The following CCDC70 variants were observed in gnomAD, a reference collection of about 807,000 sequenced individuals.
The protein encoded by CCDC70 is coiled-coil domain containing 70.
CCDC70 carries 4 observed loss-of-function variants against 9.1 expected under a neutral mutation model. That is an observed-to-expected ratio of 0.44 (90% CI 0.22 to 1.00). The LOEUF (loss-of-function observed/expected upper bound fraction) is 1.00, where lower values mean the gene tolerates loss of function less well. CCDC70 is among the 50% of genes least tolerant of loss of function. The pLI is 0.25. For synonymous variants in CCDC70, 119 were observed against 94.0 expected (o/e 1.27, Z -1.54); for missense variants, 308 against 271.3 (o/e 1.14, Z -0.95).
intron 1 of CCDC70, among the ~76,000 whole-genome samples, chr13:51,863,399 G>A (rs1288916904): frequency 1.3e-5 from 2 of 152,210 alleles, no homozygotes; most frequent in Non-Finnish European, 2.9e-5. Context: ...GCAGATGAGA[G>A]GGTAAGATCA....
chr13:51,864,928 G>GT (rs1335048031), intron 1 of CCDC70, among the ~76,000 whole-genome samples: 4 of 152,226 alleles, frequency 2.6e-5, no homozygotes, highest in African/African-American at 9.6e-5. Flanking sequence ...TCCCAGGCTC[G>GT]TAACAGAGGA....
Position 51,865,894 on chromosome 13 carries a change from G to C in CCDC70, c.483G>C (p.Glu161Asp), listed in dbSNP as rs183505529. ...ALWVEERALL[E>D]GEKALWEDKT... ...GGGTAGAGGAAAGAGCCCTCCTTGA[G>C]GGGGAGAAAGCCCTGTGGGAAGATA... Residue 161 changes from glutamate to aspartate, a missense_variant, in exon 2 of 2, where the codon GAG becomes GAC. Transcript: ENST00000242819. The C allele has an allele frequency of 3.1e-6, 5 of 1,613,746 alleles. No homozygotes were observed. The highest frequency in any genetic ancestry group is 4.2e-6 in the Non-Finnish European group (5 of 1,179,864).
In CCDC70 at chr13:51,865,960, A is replaced by C; in HGVS notation, c.549A>C (p.Glu183Asp). ...LWEEENALWE[E>D]ERAFWMENNG... is the part of the protein sequence containing the mutation. ...AGGAAGAGAATGCCCTCTGGGAGGA[A>C]GAGAGGGCCTTCTGGATGGAGAACA... is the stretch of plus-strand genomic sequence containing the variant. Residue 183 changes from glutamate (E) to aspartate (D), a missense_variant, in exon 2 of 2, where the codon GAA (glutamate) becomes GAC (aspartate). By Grantham distance (45) the Glu-to-Asp change is conservative. Coordinates refer to ENST00000242819, the MANE Select transcript of CCDC70 (RefSeq NM_031290.4). 1 of 1,614,070 alleles carries C rather than the reference A, an allele frequency of 6.2e-7. No individual in the cohort carries two copies. The highest frequency in any genetic ancestry group is 8.5e-7 in the Non-Finnish European group (1 of 1,179,986).
chr13:51,863,498 G>A (rs767479827), intron 1 of CCDC70, among the ~76,000 whole-genome samples: 6 of 152,114 alleles, frequency 3.9e-5, no homozygotes, highest in Non-Finnish European at 7.3e-5. Flanking sequence ...TTCAGGAAAT[G>A]TTAAGGATCT....
chr13:51,863,708 C>CACA (rs1555276646), intron 1 of CCDC70, among the ~76,000 whole-genome samples: 1,589 of 141,076 alleles, frequency 0.011, 44 homozygotes, highest in East Asian at 0.085. Context: ...CACACACACA[C>CACA]ACCAGCTATG....
Position 51,865,532 on chromosome 13 carries a change from C to G in CCDC70, c.121C>G (p.Arg41Gly). 1 of 1,614,160 alleles carries G rather than the reference C, an allele frequency of 6.2e-7. No homozygotes were observed. Among genetic ancestry groups the G allele is most frequent in the South Asian group, 1.1e-5 (1 of 91,084 alleles). ...CAAGCTGCAGGAGGAAAAGGCTTTT[C>G]GCGAAGAGATGAAAATTTTTCGTGA... The part of the protein sequence containing the change: ...MHKLQEEKAF[R>G]EEMKIFREKI... Residue 41 changes from arginine (R) to glycine (G), a missense_variant, in exon 2 of 2, where the codon CGC (arginine) becomes GGC (glycine). Coordinates refer to ENST00000242819, the MANE Select transcript of CCDC70 (RefSeq NM_031290.4).
intron 1 of CCDC70, among the ~76,000 whole-genome samples, chr13:51,864,388 T>C (rs1310645662): frequency 6.6e-6 from 1 of 152,208 alleles, no homozygotes; most frequent in Non-Finnish European, 1.5e-5. Context: ...ACTCTGACTT[T>C]GGGACTCACT....
At chr13:51,864,987 G>A (rs541099831) in intron 1 of CCDC70, among the ~76,000 whole-genome samples, 36 of 152,282 alleles carry the variant, frequency 2.4e-4, no homozygotes, top group African/African-American at 8.7e-4. Flanking sequence ...ATTCTCAAGT[G>A]AGTACACCAA....
chr13:51,862,805 C>T (rs947067760), intron 1 of CCDC70, among the ~76,000 whole-genome samples: 1 of 152,138 alleles, frequency 6.6e-6, no homozygotes, highest in Admixed American at 6.5e-5. Flanking sequence ...GGATTCTAGG[C>T]AAAGAGCCAT....
In CCDC70 at chr13:51,865,319, G is replaced by A; in HGVS notation, c.-80-13G>A. On this transcript the variant is annotated splice_polypyrimidine_tract_variant and intron_variant, in intron 1 of 1. Coordinates refer to ENST00000242819, the MANE Select transcript of CCDC70 (RefSeq NM_031290.4). ...TGATACTCATAGATCTGTCTTTTCT[G>A]CTGCCCCCACAGGGTCTGACCAGCC... 1 of 1,400,226 alleles carries A rather than the reference G, an allele frequency of 7.1e-7. No individual in the cohort carries two copies. Among genetic ancestry groups the A allele is most frequent in the Non-Finnish European group, 9.7e-7 (1 of 1,028,440 alleles). The allele number at this position is 1,400,226 out of a possible 1,614,324, so 86.7% of individuals were successfully genotyped here. A position where few individuals can be genotyped will look rare whatever the true frequency, so the allele number is the denominator to read the frequency against.
intron 1 of CCDC70, among the ~76,000 whole-genome samples, chr13:51,864,108 C>T (rs1042330272): frequency 6.6e-6 from 1 of 151,288 alleles, no homozygotes; most frequent in Admixed American, 6.6e-5. Flanking sequence ...TCCTTCCTTC[C>T]CTCCCTCTCT....
chr13:51,864,112 CCTCT>C (rs570515384), intron 1 of CCDC70, among the ~76,000 whole-genome samples: 67 of 151,862 alleles, frequency 4.4e-4, no homozygotes, highest in East Asian at 1.5e-3. Context: ...TCCTTCCCTC[CCTCT>C]CTTTTTCTTT....
rs1243245226 is a variant in CCDC70 at position 51,865,360 on chromosome 13, A to G, written c.-52A>G. 2 of 1,560,008 alleles carry G rather than the reference A, an allele frequency of 1.3e-6. No individual in the cohort carries two copies. Among genetic ancestry groups the G allele is most frequent in the Admixed American group, 3.9e-5 (2 of 51,886 alleles). On this transcript the variant is annotated 5_prime_UTR_variant, in exon 2 of 2. Transcript: ENST00000242819. ...CTGACCAGCCGACCTGGACCTGGCC[A>G]AGGGTCCTGTCATCCCTCATGGCCA...
chr13:51,865,600 C>A lies in CCDC70; in HGVS notation c.189C>A (p.Gly63=), dbSNP rs1956415729. ...GGGAAGAGATGTGGACTTTCCGAGGCAAGATCCATGCTTTCCGGGGCCAGA... is the reference window on the plus strand; with the variant it reads ...GGGAAGAGATGTGGACTTTCCGAGGAAAGATCCATGCTTTCCGGGGCCAGA... The part of the protein sequence containing the change: ...DFREEMWTFR[G]KIHAFRGQIL... Residue 63 remains glycine, a synonymous_variant, in exon 2 of 2, where the codon GGC becomes GGA. Coordinates refer to ENST00000242819, the MANE Select transcript of CCDC70 (RefSeq NM_031290.4). 2.5e-6 allele frequency: 4 copies of A among 1,614,068 alleles called. No individual in the cohort carries two copies. The highest frequency in any genetic ancestry group is 3.4e-6 in the Non-Finnish European group (4 of 1,180,026).
Position 51,862,097 on chromosome 13 carries a change from G to C in CCDC70, c.-213G>C, listed in dbSNP as rs889670372. 1 of 152,228 alleles carries C rather than the reference G, an allele frequency of 6.6e-6. No individual in the cohort carries two copies. Among genetic ancestry groups the C allele is most frequent in the Admixed American group, 6.5e-5 (1 of 15,286 alleles). The allele number at this position is 152,228 out of a possible 1,614,324, so 9.4% of individuals were successfully genotyped here. Reference sequence around the variant, plus strand: ...TCCATCCTGTGAGTCAGGACTGAAAGGGCACAGACAGGTCACTGCCAGCAT... The same window carrying C: ...TCCATCCTGTGAGTCAGGACTGAAACGGCACAGACAGGTCACTGCCAGCAT... On this transcript the variant is annotated 5_prime_UTR_variant, in exon 1 of 2. Coordinates refer to ENST00000242819, the MANE Select transcript of CCDC70 (RefSeq NM_031290.4).
rs145965715 is a variant in CCDC70 at position 51,866,087 on chromosome 13, T to C, written c.*7T>C. 2,123 of 1,560,554 alleles carry C rather than the reference T, an allele frequency of 1.4e-3. 2 individuals carry two copies. The highest frequency in any genetic ancestry group is 1.7e-3 in the Non-Finnish European group (1,913 of 1,156,220). ...CTCCCGAGGCAGGGCGTAGCCAGCA[T>C]GCAGGTGCAGGGCCCTGTGGTCCAG... On this transcript the variant is annotated 3_prime_UTR_variant, in exon 2 of 2. Transcript: ENST00000242819.
In CCDC70 at chr13:51,866,010, T is replaced by C; in HGVS notation, c.599T>C (p.Met200Thr). The change falls in exon 2 of 2, where the codon ATG becomes ACG. Residue 200 changes from methionine (M) to threonine (T), a missense_variant. Physicochemically the swap from Met to Thr is moderately conservative, Grantham distance 81. Transcript: ENST00000242819. ...AATGGCCACATTGCCGGAGAGCAGA[T>C]GCTCGAAGATGGGCCCCACAACGCC... Reference protein sequence around the residue: ...ENNGHIAGEQMLEDGPHNANR... With the variant: ...ENNGHIAGEQTLEDGPHNANR... 1 of 1,612,060 alleles carries C rather than the reference T, an allele frequency of 6.2e-7. No homozygotes were observed. Among genetic ancestry groups the C allele is most frequent in the African/African-American group, 1.3e-5 (1 of 74,918 alleles).
At chr13:51,864,112 CCT>C (rs570515384) in intron 1 of CCDC70, among the ~76,000 whole-genome samples, 13 of 151,862 alleles carry the variant, frequency 8.6e-5, no homozygotes, top group South Asian at 6.3e-4. Flanking sequence ...TCCTTCCCTC[CCT>C]CTCTTTTTCT....
At chr13:51,863,516 G>A (rs1051084982) in intron 1 of CCDC70, among the ~76,000 whole-genome samples, 3 of 152,098 alleles carry the variant, frequency 2.0e-5, no homozygotes, top group African/African-American at 7.2e-5. Context: ...TCTGGATCTC[G>A]GCTAGGAGGG....
Sources: gnomAD v4.1 joint callset for allele counts (sites outside exome capture counted in the v4.1 genomes callset) on GRCh38, gnomAD v4.1.1 for gene constraint, MANE v1.5 for transcripts, NCBI Gene and HGNC (gene_info 2026-07-23, HGNC 2026-07-21) for gene names.